The following CACNA2D1 variants were observed in gnomAD, a reference collection of about 807,000 sequenced individuals.
CACNA2D1 encodes the protein voltage-dependent calcium channel subunit alpha-2/delta-1.
Under a neutral mutation model 171.5 loss-of-function variants are expected in CACNA2D1, and 53 were observed. The ratio of observed to expected loss-of-function variants is 0.31; its 90% confidence interval spans 0.25 to 0.39. The LOEUF is 0.39. CACNA2D1 is among the 10% of genes least tolerant of loss of function. The pLI is 1.00. For missense variants in CACNA2D1, 903 were observed against 1,299.8 expected, an observed-to-expected ratio of 0.69 and a Z score of 4.69; for synonymous variants, 442 against 443.1, an observed-to-expected ratio of 1.00 and a Z score of 0.03.
chr7:82,289,615 G>A (rs932294260), intron 3 of CACNA2D1, among the ~76,000 whole-genome samples: 2 of 152,172 alleles, frequency 1.3e-5, no homozygotes, highest in Admixed American at 6.5e-5. Context: ...AAGGCATAGA[G>A]GGAAAAAACA....
At chr7:82,085,782 C>T (rs1810403550) in intron 6 of CACNA2D1, among the ~76,000 whole-genome samples, 1 of 151,320 alleles carries the variant, frequency 6.6e-6, no homozygotes. Flanking sequence ...TAACTAGAAA[C>T]TAATCTTGGA....
chr7:82,443,625 G>C lies in CACNA2D1; in HGVS notation c.-166C>G. The stretch of plus-strand genomic sequence containing the variant: ...GCGGAGCCGCGCGGGGGACGGCAAG[G>C]GCGGGAGCGGACGCCGAGGAAGGGG... On this transcript the variant is annotated 5_prime_UTR_variant, in exon 1 of 39. Coordinates refer to ENST00000356860, the MANE Select transcript of CACNA2D1 (RefSeq NM_000722.4). The C allele has an allele frequency of 7.6e-7, 1 of 1,318,698 alleles. No individual in the cohort carries two copies. The allele number at this position is 1,318,698 out of a possible 1,614,324, so 81.7% of individuals were successfully genotyped here. A position where few individuals can be genotyped will look rare whatever the true frequency, so the allele number is the denominator to read the frequency against.
At chr7:82,349,714 T>G (rs989851239) in intron 1 of CACNA2D1, 65 bp from the exon 2 acceptor site, 2 of 1,207,284 alleles carry the variant, frequency 1.7e-6, no homozygotes, top group Admixed American at 1.7e-5. Flanking sequence ...CATGCTGATA[T>G]TTTATATCCA....
At chr7:82,262,032 A>T (rs1053673100) in intron 3 of CACNA2D1, among the ~76,000 whole-genome samples, 3 of 152,188 alleles carry the variant, frequency 2.0e-5, no homozygotes, top group South Asian at 2.1e-4. Flanking sequence ...GAAGTTTCAT[A>T]TAAAAAATAA....
chr7:82,100,303 C>T (rs912011005), intron 6 of CACNA2D1, among the ~76,000 whole-genome samples: 1 of 152,038 alleles, frequency 6.6e-6, no homozygotes, highest in Non-Finnish European at 1.5e-5. Flanking sequence ...GTGATCTTTT[C>T]TACTTCTTGA....
chr7:82,366,461 G>C (rs1366073096), intron 1 of CACNA2D1, among the ~76,000 whole-genome samples: 1 of 152,106 alleles, frequency 6.6e-6, no homozygotes, highest in Non-Finnish European at 1.5e-5. Context: ...ACTTATATCA[G>C]TGAAAGGATG....
At chr7:82,436,104 T>A (rs1233663587) in intron 1 of CACNA2D1, among the ~76,000 whole-genome samples, 1 of 152,220 alleles carries the variant, frequency 6.6e-6, no homozygotes, top group Admixed American at 6.5e-5. Flanking sequence ...ATTCTCAACA[T>A]GTAGCTCAGC....
intron 21 of CACNA2D1, among the ~76,000 whole-genome samples, chr7:81,990,078 G>A (rs547511947): frequency 6.6e-6 from 1 of 152,128 alleles, no homozygotes; most frequent in East Asian, 1.9e-4. Flanking sequence ...ACTAAGGTAG[G>A]GGGGTGACAA....
chr7:82,061,457 T>C (rs1299341016), intron 9 of CACNA2D1, among the ~76,000 whole-genome samples: 3 of 152,120 alleles, frequency 2.0e-5, no homozygotes, highest in Non-Finnish European at 4.4e-5. Flanking sequence ...AGGTGAAAGT[T>C]CTAGAAACAC....
At chr7:82,272,570 G>A (rs1379099836) in intron 3 of CACNA2D1, among the ~76,000 whole-genome samples, 1 of 152,142 alleles carries the variant, frequency 6.6e-6, no homozygotes, top group Non-Finnish European at 1.5e-5. Context: ...AGCTACCATG[G>A]TTAGGTGTTG....
At chr7:82,416,776 T>C (rs1285194907) in intron 1 of CACNA2D1, among the ~76,000 whole-genome samples, 1 of 152,160 alleles carries the variant, frequency 6.6e-6, no homozygotes, top group Non-Finnish European at 1.5e-5. Flanking sequence ...TCTGAAGTAC[T>C]GGGGGTTAGA....
chr7:82,127,894 G>A (rs749243578), intron 5 of CACNA2D1, among the ~76,000 whole-genome samples: 4 of 151,950 alleles, frequency 2.6e-5, no homozygotes, highest in Non-Finnish European at 5.9e-5. Flanking sequence ...ATTTATCCCA[G>A]TTATACCTGC....
At chr7:82,002,955 G>A (rs1278835306) in intron 18 of CACNA2D1, among the ~76,000 whole-genome samples, 2 of 151,394 alleles carry the variant, frequency 1.3e-5, no homozygotes, top group Admixed American at 1.3e-4. Flanking sequence ...TATAGATATA[G>A]CATTATTTTT....
intron 2 of CACNA2D1, among the ~76,000 whole-genome samples, chr7:82,335,907 C>A (rs1038691616): frequency 2.6e-5 from 4 of 152,060 alleles, no homozygotes; most frequent in Admixed American, 1.3e-4. Flanking sequence ...ATTTGACTAC[C>A]TTTCTGGCTC....
chr7:82,414,090 A>C (rs928569376), intron 1 of CACNA2D1, among the ~76,000 whole-genome samples: 1 of 152,132 alleles, frequency 6.6e-6, no homozygotes, highest in African/African-American at 2.4e-5. Flanking sequence ...ATGATGTCCA[A>C]ACTTCATTTC....
At chr7:82,064,488 A>T in intron 8 of CACNA2D1, 134 bp from the exon 9 acceptor site, 1 of 590,644 alleles carries the variant, frequency 1.7e-6, no homozygotes, top group East Asian at 2.9e-5. Flanking sequence ...TAAGTAGACA[A>T]TGGTTTTCCA....
chr7:82,145,336 T>C (rs1287472230), intron 4 of CACNA2D1, among the ~76,000 whole-genome samples: 1 of 144,938 alleles, frequency 6.9e-6, no homozygotes, highest in Non-Finnish European at 1.5e-5. Context: ...AAATTGTATA[T>C]AATATATAAT....
intron 1 of CACNA2D1, among the ~76,000 whole-genome samples, chr7:82,399,150 A>G (rs899054911): frequency 6.6e-6 from 1 of 151,822 alleles, no homozygotes; most frequent in African/African-American, 2.4e-5. Flanking sequence ...TCTTGTTTCC[A>G]CTCAATTCTA....
intron 1 of CACNA2D1, among the ~76,000 whole-genome samples, chr7:82,426,038 G>A (rs562304406): frequency 2.6e-5 from 4 of 151,538 alleles, no homozygotes; most frequent in East Asian, 2.0e-4. Flanking sequence ...GCTGAGGCAC[G>A]AGAATCCACT....
Sources: gnomAD v4.1 joint callset for allele counts (sites outside exome capture counted in the v4.1 genomes callset) on GRCh38, gnomAD v4.1.1 for gene constraint, MANE v1.5 for transcripts, NCBI Gene and HGNC (gene_info 2026-07-23, HGNC 2026-07-21) for gene names.